LRBA: variants seen among roughly 807,000 people sequenced by gnomAD.
LRBA encodes the protein LPS responsive beige-like anchor protein.
LRBA carries 176 observed loss-of-function variants against 330.0 expected under a neutral mutation model. That is an observed-to-expected ratio of 0.53 (90% CI 0.47 to 0.60). The LOEUF (loss-of-function observed/expected upper bound fraction) is 0.60. Ranked by LOEUF, LRBA falls within the 20% of genes least tolerant of loss-of-function variation. LRBA has a pLI of 0.00. For synonymous variants in LRBA, 1,230 were observed against 1,193.0 expected (o/e 1.03, Z -0.64); for missense variants, 3,259 against 3,444.8 (o/e 0.95, Z 1.35).
chr4:150,349,190 T>A (rs1025028113), intron 48 of LRBA, among the ~76,000 whole-genome samples: 1 of 152,174 alleles, frequency 6.6e-6, no homozygotes, highest in Non-Finnish European at 1.5e-5. Context: ...AGTAGAACTA[T>A]AAAAGAATGC....
Position 150,917,152 on chromosome 4 carries a change from C to CA in LRBA, c.646-415dup, listed in dbSNP as rs1158155392. 7.4e-3 allele frequency among the ~76,000 whole-genome samples: 981 copies of CA among 132,842 alleles called. 14 individuals carry two copies. Among genetic ancestry groups the CA allele is most frequent in the African/African-American group, 0.028 (925 of 32,932 alleles). The allele number at this position is 132,842 out of a possible 152,430, so 87.1% of individuals were successfully genotyped here. A position where few individuals can be genotyped will look rare whatever the true frequency, so the allele number is the denominator to read the frequency against. On this transcript the variant is annotated intron_variant, in intron 5 of 56. Coordinates refer to ENST00000651943, the MANE Select transcript of LRBA (RefSeq NM_001364905.1). ...TGGGCGAAAGAGCAAGACTCCATCT[C>CA]AAAAAAAAAAATATATATATATCTG...
intron 52 of LRBA, among the ~76,000 whole-genome samples, chr4:150,307,936 T>C (rs1008073202): frequency 6.6e-5 from 10 of 152,156 alleles, no homozygotes; most frequent in African/African-American, 2.2e-4. Flanking sequence ...ATGTCATCAA[T>C]TCCATATAAC....
In LRBA at chr4:150,752,492, A is replaced by T. The variant is rs537752965; in HGVS notation, c.5645+9291T>A. On this transcript the variant is annotated intron_variant, in intron 35 of 56. Transcript: ENST00000651943. ...AAAAATTAATTTAAATTAAAAAAAA[A>T]TTTTTAATGGGCTTCATACACATTT... Among the ~76,000 whole-genome samples the T allele has an allele frequency of 3.8e-4, 58 of 152,116 alleles. 1 individual carries two copies. The highest frequency in any genetic ancestry group is 3.4e-3 in the Middle Eastern group (1 of 294).
intron 44 of LRBA, among the ~76,000 whole-genome samples, chr4:150,437,638 G>C (rs912761396): frequency 6.6e-5 from 10 of 151,490 alleles, no homozygotes; most frequent in African/African-American, 1.7e-4. Flanking sequence ...AGAGGTCCCA[G>C]AGCAATATAG....
intron 40 of LRBA, among the ~76,000 whole-genome samples, chr4:150,500,775 CT>C (rs1760164953): frequency 6.6e-6 from 1 of 152,114 alleles, no homozygotes; most frequent in South Asian, 2.1e-4. Flanking sequence ...AAGAAATTTG[CT>C]TTTGTTCTTT....
chr4:150,842,382 G>T (rs1398989261), intron 28 of LRBA, among the ~76,000 whole-genome samples: 2 of 152,062 alleles, frequency 1.3e-5, no homozygotes, highest in African/African-American at 4.8e-5. Flanking sequence ...GACCTCCTAG[G>T]CTCAAGCGAT....
intron 36 of LRBA, among the ~76,000 whole-genome samples, chr4:150,689,952 C>G (rs1209210189): frequency 1.3e-5 from 2 of 151,390 alleles, no homozygotes; most frequent in South Asian, 2.1e-4. Flanking sequence ...AAATTTACAA[C>G]AGCATGAAAA....
At chr4:150,745,673 GC>G (rs1732602769) in intron 35 of LRBA, among the ~76,000 whole-genome samples, 1 of 151,852 alleles carries the variant, frequency 6.6e-6, no homozygotes, top group African/African-American at 2.4e-5. Flanking sequence ...GCACCACCAC[GC>G]CCAGCTAATT....
chr4:150,567,145 T>A (rs9994153), intron 40 of LRBA, among the ~76,000 whole-genome samples: 64,508 of 151,974 alleles, frequency 0.42, 14,887 homozygotes, highest in Admixed American at 0.51. Context: ...TAGACTGCAA[T>A]CATTTTATTA....
At chr4:150,636,842 A>C (rs1777972777) in intron 37 of LRBA, among the ~76,000 whole-genome samples, 1 of 152,098 alleles carries the variant, frequency 6.6e-6, no homozygotes, top group Non-Finnish European at 1.5e-5. Context: ...AAGATGAAGT[A>C]TTACTTTTGT....
intron 52 of LRBA, among the ~76,000 whole-genome samples, chr4:150,308,855 T>TA (rs1730699794): frequency 6.6e-6 from 1 of 152,218 alleles, no homozygotes; most frequent in African/African-American, 2.4e-5. Context: ...TTGAAAAGCT[T>TA]AAAATCATTA....
intron 37 of LRBA, among the ~76,000 whole-genome samples, chr4:150,663,903 G>A (rs765106348): frequency 1.3e-5 from 2 of 152,134 alleles, no homozygotes; most frequent in African/African-American, 4.8e-5. Flanking sequence ...CATTTCGGAA[G>A]GATTCTGAAA....
intron 33 of LRBA, among the ~76,000 whole-genome samples, chr4:150,804,606 G>T (rs1742270379): frequency 6.6e-6 from 1 of 152,108 alleles, no homozygotes; most frequent in Non-Finnish European, 1.5e-5. Context: ...AACTAAAGCT[G>T]CCAGTTGATA....
At chr4:150,975,316 G>A (rs578145299) in intron 2 of LRBA, among the ~76,000 whole-genome samples, 3 of 152,064 alleles carry the variant, frequency 2.0e-5, no homozygotes, top group Non-Finnish European at 4.4e-5. Flanking sequence ...GATCACTTGA[G>A]GCCAAGAGTT....
At chr4:150,270,678 G>T (rs4696660) in intron 56 of LRBA, among the ~76,000 whole-genome samples, 39,488 of 151,936 alleles carry the variant, frequency 0.26, 5,348 homozygotes, top group Non-Finnish European at 0.3. Flanking sequence ...ATTATATGTT[G>T]CCACAATTTT....
intron 40 of LRBA, among the ~76,000 whole-genome samples, chr4:150,551,159 T>A (rs2152246152): frequency 6.6e-6 from 1 of 152,258 alleles, no homozygotes; most frequent in South Asian, 2.1e-4. Context: ...GCTCACTTGG[T>A]CTTCTGCCCT....
intron 2 of LRBA, among the ~76,000 whole-genome samples, chr4:151,007,371 G>A (rs1744197569): frequency 6.6e-6 from 1 of 151,968 alleles, no homozygotes; most frequent in Admixed American, 6.6e-5. Context: ...CAGGCCTGGT[G>A]GCAGGCACCT....
At position 150,368,320 on chromosome 4, in the gene LRBA, G is replaced by GA. The variant is rs201989897; in HGVS notation, c.7195-18162dup. On this transcript the variant is annotated intron_variant, in intron 47 of 56. Coordinates refer to ENST00000651943, the MANE Select transcript of LRBA (RefSeq NM_001364905.1). ...AAAACTCAGATACTTCCTTAAAAAG[G>GA]AAAAAAAAATACTATAAAGCAAAAT... Among the ~76,000 whole-genome samples, 160 of 149,964 alleles carry GA rather than the reference G, an allele frequency of 1.1e-3. 1 individual carries two copies. The highest frequency in any genetic ancestry group is 3.4e-3 in the Middle Eastern group (1 of 294).
chr4:150,878,607 TA>T (rs1184049122), intron 17 of LRBA, among the ~76,000 whole-genome samples: 274 of 144,726 alleles, frequency 1.9e-3, no homozygotes, highest in Non-Finnish European at 1.9e-3. Context: ...CTAGCTAGAT[TA>T]AAAAAAAAAA....
Sources: allele counts gnomAD v4.1 joint callset (sites outside exome capture counted in the v4.1 genomes callset), GRCh38; gene constraint gnomAD v4.1.1; transcripts MANE v1.5; gene names NCBI Gene and HGNC (gene_info 2026-07-23, HGNC 2026-07-21).